RBM20: variants seen among roughly 807,000 people sequenced by gnomAD.
RBM20 encodes the protein RNA binding motif protein 20, also known as RNA-binding protein 20.
RBM20 carries 51 observed loss-of-function variants against 110.1 expected under a neutral mutation model. That is an observed-to-expected ratio of 0.46 (90% CI 0.37 to 0.59). The LOEUF is 0.59. Ranked by LOEUF, RBM20 falls within the 20% of genes least tolerant of loss-of-function variation. The pLI, the probability that RBM20 is intolerant of heterozygous loss-of-function variation, is 0.00. For synonymous variants in RBM20, 589 were observed against 618.2 expected (o/e 0.95, Z 0.70); for missense variants, 1,512 against 1,574.9 (o/e 0.96, Z 0.68).
At chr10:110,819,716 G>T (rs568054427) in intron 9 of RBM20, among the ~76,000 whole-genome samples, 6 of 152,176 alleles carry the variant, frequency 3.9e-5, no homozygotes, top group African/African-American at 1.2e-4. Flanking sequence ...TAACCCTGGG[G>T]TCTTGGCCGG....
intron 1 of RBM20, among the ~76,000 whole-genome samples, chr10:110,690,681 G>T (rs1325479275): frequency 1.3e-5 from 2 of 152,136 alleles, no homozygotes; most frequent in East Asian, 3.8e-4. Context: ...TTAGCATCGT[G>T]TTTTCAAGGA....
intron 1 of RBM20, among the ~76,000 whole-genome samples, chr10:110,765,859 G>A (rs1193876937): frequency 2.0e-5 from 3 of 151,990 alleles, no homozygotes; most frequent in Non-Finnish European, 1.5e-5. Context: ...TTGCAATTCT[G>A]AGATGTCAGA....
chr10:110,801,936 C>T (rs1024402448), intron 7 of RBM20, among the ~76,000 whole-genome samples: 5 of 152,092 alleles, frequency 3.3e-5, no homozygotes, highest in African/African-American at 4.8e-5. Context: ...TCTGGATCTT[C>T]TCTGATGGGC....
chr10:110,749,322 G>T (rs11195304), intron 1 of RBM20, among the ~76,000 whole-genome samples: 3,024 of 152,156 alleles, frequency 0.02, 112 homozygotes, highest in African/African-American at 0.069. Context: ...TGTACAGAAA[G>T]CAATAGCATT....
intron 1 of RBM20, among the ~76,000 whole-genome samples, chr10:110,754,739 G>T (rs763878429): frequency 1.3e-5 from 2 of 152,122 alleles, no homozygotes; most frequent in Non-Finnish European, 2.9e-5. Context: ...GCAGATATTT[G>T]CAAGCTTGTT....
At chr10:110,811,825 C>A (rs952768222) in intron 8 of RBM20, among the ~76,000 whole-genome samples, 1 of 152,168 alleles carries the variant, frequency 6.6e-6, no homozygotes, top group African/African-American at 2.4e-5. Flanking sequence ...GGCTTCAAGT[C>A]TTGTAGCTAA....
At chr10:110,769,594 T>C (rs1426684678) in intron 1 of RBM20, among the ~76,000 whole-genome samples, 2 of 152,170 alleles carry the variant, frequency 1.3e-5, no homozygotes, top group African/African-American at 4.8e-5. Flanking sequence ...ATTACATGTG[T>C]CCCTTGAAAT....
chr10:110,698,809 T>G (rs4918564), intron 1 of RBM20, among the ~76,000 whole-genome samples: 2 of 152,174 alleles, frequency 1.3e-5, no homozygotes, highest in African/African-American at 4.8e-5. Flanking sequence ...TGAAAAGTAC[T>G]TCAGATGCTG....
At chr10:110,731,752 AT>A in intron 1 of RBM20, among the ~76,000 whole-genome samples, 1 of 152,236 alleles carries the variant, frequency 6.6e-6, no homozygotes, top group Middle Eastern at 3.4e-3. Context: ...CAAAAGCTGC[AT>A]TTTTTTGTCC....
At chr10:110,777,972 A>G (rs916513098) in intron 1 of RBM20, among the ~76,000 whole-genome samples, 1 of 152,216 alleles carries the variant, frequency 6.6e-6, no homozygotes, top group African/African-American at 2.4e-5. Flanking sequence ...TCTAAAGCTC[A>G]GCTACTTAAT....
intron 1 of RBM20, among the ~76,000 whole-genome samples, chr10:110,706,080 CAA>C (rs11312949): frequency 2.1e-5 from 3 of 141,436 alleles, no homozygotes; most frequent in East Asian, 2.0e-4. Flanking sequence ...GACTCCATCT[CAA>C]AAAAAAAAAG....
intron 1 of RBM20, among the ~76,000 whole-genome samples, chr10:110,763,337 G>C (rs1708609249): frequency 6.6e-6 from 1 of 151,984 alleles, no homozygotes; most frequent in Non-Finnish European, 1.5e-5. Context: ...TAAAATAGGA[G>C]AATCTAGTAA....
intron 1 of RBM20, among the ~76,000 whole-genome samples, chr10:110,689,245 C>T (rs189283775): frequency 9.8e-5 from 15 of 152,324 alleles, no homozygotes; most frequent in African/African-American, 3.4e-4. Context: ...TGGTTCAGCA[C>T]GTGCTGACTG....
chr10:110,696,261 G>A (rs1029345736), intron 1 of RBM20, among the ~76,000 whole-genome samples: 4 of 152,204 alleles, frequency 2.6e-5, no homozygotes, highest in Non-Finnish European at 4.4e-5. Context: ...ATCTTTAGAT[G>A]TACATGTCCC....
At chr10:110,651,486 A>G (rs1206974432) in intron 1 of RBM20, among the ~76,000 whole-genome samples, 2 of 152,224 alleles carry the variant, frequency 1.3e-5, no homozygotes, top group African/African-American at 4.8e-5. Context: ...AAGTACTTTA[A>G]CATTTACTTT....
intron 9 of RBM20, among the ~76,000 whole-genome samples, chr10:110,817,479 C>T (rs1455465917): frequency 6.6e-6 from 1 of 152,170 alleles, no homozygotes; most frequent in East Asian, 1.9e-4. Context: ...TTATTCGCCC[C>T]ACCCCCTTCT....
intron 6 of RBM20, among the ~76,000 whole-genome samples, chr10:110,799,211 C>T (rs1308563476): frequency 6.6e-6 from 1 of 152,140 alleles, no homozygotes; most frequent in Admixed American, 6.5e-5. Flanking sequence ...TTATAGGGAT[C>T]AGCTCAAGGC....
intron 1 of RBM20, among the ~76,000 whole-genome samples, chr10:110,729,143 A>G (rs1316667813): frequency 6.6e-6 from 1 of 152,236 alleles, no homozygotes; most frequent in Non-Finnish European, 1.5e-5. Flanking sequence ...CAGAATGAGA[A>G]AGTATCTTGA....
intron 1 of RBM20, among the ~76,000 whole-genome samples, chr10:110,701,008 C>G (rs530794817): frequency 2.0e-5 from 3 of 152,078 alleles, no homozygotes; most frequent in Middle Eastern, 3.4e-3. Flanking sequence ...GAGAAAGACT[C>G]CGTCTCAAAA....
Sources: gnomAD v4.1 joint callset for allele counts (sites outside exome capture counted in the v4.1 genomes callset) on GRCh38, gnomAD v4.1.1 for gene constraint, MANE v1.5 for transcripts, NCBI Gene and HGNC (gene_info 2026-07-23, HGNC 2026-07-21) for gene names.